EPHB1: variants seen among roughly 807,000 people sequenced by gnomAD.
EPHB1 encodes EPH receptor B1.
In EPHB1, 30 loss-of-function variants were observed where a neutral mutation model predicts 94.4. The observed-to-expected ratio is 0.32, with a 90% confidence interval of 0.24 to 0.43. The LOEUF is 0.43. Among genes scored for constraint, EPHB1 ranks in the 20% least tolerant of loss-of-function variants. EPHB1 has a pLI of 1.00. For synonymous variants in EPHB1, 522 were observed against 489.1 expected, an observed-to-expected ratio of 1.07 and a Z score of -0.89; for missense variants, 1,055 against 1,308.3, an observed-to-expected ratio of 0.81 and a Z score of 2.99.
chr3:134,800,125 C>T (rs907242111), intron 1 of EPHB1, among the ~76,000 whole-genome samples: 1 of 152,034 alleles, frequency 6.6e-6, no homozygotes, highest in African/African-American at 2.4e-5. Flanking sequence ...GAGTACTCCA[C>T]CTGCCTTTTC....
intron 5 of EPHB1, among the ~76,000 whole-genome samples, chr3:135,144,985 A>T (rs949917249): frequency 1.3e-5 from 2 of 152,204 alleles, no homozygotes; most frequent in African/African-American, 4.8e-5. Flanking sequence ...AAGAATAATT[A>T]ATTCTGCTTT....
At chr3:134,917,704 A>G (rs547637827) in intron 1 of EPHB1, among the ~76,000 whole-genome samples, 72 of 152,360 alleles carry the variant, frequency 4.7e-4, no homozygotes, top group Non-Finnish European at 9.1e-4. Flanking sequence ...TCAGTCAGTC[A>G]TTCAGCAGAT....
chr3:135,233,880 AC>A lies in EPHB1; in HGVS notation c.2347-7264del, dbSNP rs112769196. Among the ~76,000 whole-genome samples, 1,207 of 152,062 alleles carry A rather than the reference AC, an allele frequency of 7.9e-3. 7 individuals carry two copies. Among genetic ancestry groups the A allele is most frequent in the African/African-American group, 0.027 (1,113 of 41,480 alleles). ...AAGCAATGGCCTGAGCTGTACCTTG[AC>A]CCCTTTTGGCCATAGCTGGAGCAGC... On this transcript the variant is annotated intron_variant, in intron 12 of 15. Transcript: ENST00000398015.
intron 1 of EPHB1, among the ~76,000 whole-genome samples, chr3:134,907,651 C>T (rs1473263821): frequency 6.6e-6 from 1 of 151,922 alleles, no homozygotes; most frequent in African/African-American, 2.4e-5. Context: ...ACTGACCCCC[C>T]TGCCCGCCCC....
At chr3:135,032,127 T>C (rs1301956346) in intron 3 of EPHB1, among the ~76,000 whole-genome samples, 1 of 152,114 alleles carries the variant, frequency 6.6e-6, no homozygotes, top group Non-Finnish European at 1.5e-5. Context: ...GAGTTTGATG[T>C]CTTTTTATCT....
rs188621720 is a variant in EPHB1 at position 134,819,296 on chromosome 3, C to T, written c.58+23607C>T. Among the ~76,000 whole-genome samples the T allele has an allele frequency of 5.3e-5, 8 of 152,168 alleles. No individual in the cohort carries two copies. In the East Asian group the frequency reaches 1.4e-3, roughly 26 times the overall value. On this transcript the variant is annotated intron_variant, in intron 1 of 15. Coordinates refer to ENST00000398015, the MANE Select transcript of EPHB1 (RefSeq NM_004441.5). ...CCTATGCCTTAGGGGATGGCAGCCTCCCATTTGTGCATAGGTGTCTTTCAC... is the reference window on the plus strand; with the variant it reads ...CCTATGCCTTAGGGGATGGCAGCCTTCCATTTGTGCATAGGTGTCTTTCAC...
chr3:135,188,052 AG>A (rs1464516710), intron 10 of EPHB1, among the ~76,000 whole-genome samples: 3 of 151,990 alleles, frequency 2.0e-5, no homozygotes, highest in African/African-American at 7.2e-5. Context: ...TAAAAAAATT[AG>A]ATAAAAGTGG....
In EPHB1 at chr3:134,827,739, G is replaced by A. The variant is rs72982183; in HGVS notation, c.58+32050G>A. Among the ~76,000 whole-genome samples, 913 of 152,318 alleles carry A rather than the reference G, an allele frequency of 6.0e-3. 6 individuals are homozygous for A. The highest frequency in any genetic ancestry group is 0.02 in the African/African-American group (813 of 41,574). ...TCCCTGGGGAGCTGGGGTGGAGGCGGCACTTTAAAGGCAGAGACTGAGAAT... is the reference window on the plus strand; with the variant it reads ...TCCCTGGGGAGCTGGGGTGGAGGCGACACTTTAAAGGCAGAGACTGAGAAT... On this transcript the variant is annotated intron_variant, in intron 1 of 15. Coordinates refer to ENST00000398015, the MANE Select transcript of EPHB1 (RefSeq NM_004441.5).
intron 3 of EPHB1, among the ~76,000 whole-genome samples, chr3:135,069,811 A>G (rs1422947794): frequency 6.6e-6 from 1 of 151,924 alleles, no homozygotes; most frequent in African/African-American, 2.4e-5. Context: ...CTTGAGTCCC[A>G]CCAATACATG....
At chr3:135,225,889 G>A (rs1355022308) in intron 12 of EPHB1, among the ~76,000 whole-genome samples, 1 of 152,128 alleles carries the variant, frequency 6.6e-6, no homozygotes, top group African/African-American at 2.4e-5. Flanking sequence ...CACCAGGCTG[G>A]GTGAAAGTTA....
chr3:135,152,141 G>A (rs1289301302), intron 5 of EPHB1, among the ~76,000 whole-genome samples: 3 of 152,318 alleles, frequency 2.0e-5, no homozygotes, highest in Middle Eastern at 6.8e-3. Context: ...TAATGGTCAT[G>A]GGAGAAATAT....
Position 134,962,850 on chromosome 3 carries a change from C to T in EPHB1, c.805+10798C>T, listed in dbSNP as rs552940079. On this transcript the variant is annotated intron_variant, in intron 3 of 15. Transcript: ENST00000398015. ...TTCACCAGACCTGCCACCCCTTCCC[C>T]AGCAGCCCCAAATCAGTCTCATCCC... 2.8e-3 allele frequency among the ~76,000 whole-genome samples: 425 copies of T among 152,190 alleles called. 2 individuals carry two copies. Among genetic ancestry groups the T allele is most frequent in the Middle Eastern group, 0.017 (5 of 294 alleles).
At chr3:135,131,436 C>T (rs540871505) in intron 4 of EPHB1, among the ~76,000 whole-genome samples, 7 of 152,296 alleles carry the variant, frequency 4.6e-5, no homozygotes, top group African/African-American at 1.7e-4. Flanking sequence ...CTTCGTTCAG[C>T]TGGTGACAGT....
rs1186590385 is a variant in EPHB1 at position 134,941,750 on chromosome 3, CAG to C, written c.124-9619_124-9618del. 5.1e-3 allele frequency among the ~76,000 whole-genome samples: 582 copies of C among 113,890 alleles called. 4 individuals are homozygous for C. Among genetic ancestry groups the C allele is most frequent in the Admixed American group, 0.01 (97 of 9,482 alleles). 74.7% of individuals were successfully genotyped at this position (113,890 alleles called of 152,430 possible). A position where few individuals can be genotyped will look rare whatever the true frequency, so the allele number is the denominator to read the frequency against. On this transcript the variant is annotated intron_variant, in intron 2 of 15. Coordinates refer to ENST00000398015, the MANE Select transcript of EPHB1 (RefSeq NM_004441.5). ...TGATAGCATGCTTTACATATGCACA[CAG>C]ACACACACACACACACACACACACA...
chr3:134,873,935 G>T (rs1340989369), intron 1 of EPHB1, among the ~76,000 whole-genome samples: 1 of 152,164 alleles, frequency 6.6e-6, no homozygotes, highest in Non-Finnish European at 1.5e-5. Flanking sequence ...GGTTAGCAAG[G>T]AGAGACTGAG....
intron 3 of EPHB1, among the ~76,000 whole-genome samples, chr3:135,064,918 A>G (rs554353101): frequency 1.3e-5 from 2 of 152,204 alleles, no homozygotes; most frequent in African/African-American, 4.8e-5. Flanking sequence ...ATTGTCCTTC[A>G]GTTTGAAACA....
intron 3 of EPHB1, among the ~76,000 whole-genome samples, chr3:135,066,899 C>T (rs1464052935): frequency 6.6e-6 from 1 of 152,212 alleles, no homozygotes; most frequent in Non-Finnish European, 1.5e-5. Flanking sequence ...ATGTAGTACT[C>T]TCCCCCTTTT....
At chr3:134,819,584 A>G (rs2081072648) in intron 1 of EPHB1, among the ~76,000 whole-genome samples, 1 of 152,194 alleles carries the variant, frequency 6.6e-6, no homozygotes, top group Non-Finnish European at 1.5e-5. Context: ...CACTCAATAA[A>G]TGTTTCCTCC....
chr3:134,943,233 G>C (rs16842301), intron 2 of EPHB1, among the ~76,000 whole-genome samples: 4,442 of 152,270 alleles, frequency 0.029, 164 homozygotes, highest in African/African-American at 0.085. Context: ...GCTCAGTTCA[G>C]ATGGGATGAG....
Sources: allele counts gnomAD v4.1 joint callset (sites outside exome capture counted in the v4.1 genomes callset), GRCh38; gene constraint gnomAD v4.1.1; transcripts MANE v1.5; gene names NCBI Gene and HGNC (gene_info 2026-07-23, HGNC 2026-07-21).